The following CPSF3 variants were observed in gnomAD, a reference collection of about 807,000 sequenced individuals.
CPSF3 encodes cleavage and polyadenylation specific factor 3, also known as cleavage and polyadenylation specificity factor subunit 3.
In CPSF3, 57 loss-of-function variants were observed where a neutral mutation model predicts 84.1. The observed-to-expected ratio is 0.68, with a 90% CI of 0.55 to 0.85. CPSF3 has a LOEUF of 0.85. Ranked by LOEUF, CPSF3 falls within the 40% of genes least tolerant of loss-of-function variation. CPSF3 has a pLI of 0.00. For missense variants in CPSF3, 522 were observed against 838.8 expected (o/e 0.62, Z 4.66); for synonymous variants, 275 against 278.1 (o/e 0.99, Z 0.11).
Position 9,448,265 on chromosome 2 carries a change from A to G in CPSF3, c.1310A>G (p.Asp437Gly), listed in dbSNP as rs751650918. ...LKAALIREYE[D>G]NDEVHIEVHN... is the part of the protein sequence containing the mutation. ...GCAGCACTGATTCGAGAATATGAAG[A>G]TAACGATGAAGTTCACATAGAGGTT... The change falls in exon 11 of 18, where the codon GAT (aspartate) becomes GGT (glycine). Residue 437 changes from aspartate (D) to glycine (G), a missense_variant. Around this residue, in one of 2 missense-constraint regions of CPSF3, gnomAD observed 329 missense variants for 607.2 expected, o/e 0.54. Transcript: ENST00000238112. 4.8e-5 allele frequency: 77 copies of G among 1,612,618 alleles called. No individual in the cohort carries two copies. The highest frequency in any genetic ancestry group is 6.5e-5 in the Non-Finnish European group (77 of 1,178,826).
At chr2:9,467,173 C>G (rs1466700084) in intron 15 of CPSF3, among the ~76,000 whole-genome samples, 1 of 151,924 alleles carries the variant, frequency 6.6e-6, no homozygotes. Flanking sequence ...TAAGGGGGGC[C>G]CATTTTCCCA....
chr2:9,453,768 G>A (rs1681414208), intron 12 of CPSF3, among the ~76,000 whole-genome samples: 1 of 152,126 alleles, frequency 6.6e-6, no homozygotes, highest in Admixed American at 6.6e-5. Flanking sequence ...GCACGTGCCT[G>A]TGGTCCCAGC....
chr2:9,464,471 A>G (rs1002698724), intron 15 of CPSF3, among the ~76,000 whole-genome samples: 3 of 152,098 alleles, frequency 2.0e-5, no homozygotes, highest in Non-Finnish European at 4.4e-5. Flanking sequence ...TTAAGTGCTT[A>G]TTTTAGTAAT....
intron 12 of CPSF3, 55 bp from the exon 13 acceptor site, chr2:9,455,604 G>T: frequency 8.4e-7 from 1 of 1,196,412 alleles, no homozygotes; most frequent in Non-Finnish European, 1.2e-6. Flanking sequence ...TTTGCTCCTG[G>T]TATGTGTTTT....
chr2:9,441,862 C>T lies in CPSF3; in HGVS notation c.981C>T (p.Ala327=), dbSNP rs1680967063. 6.2e-7 allele frequency: 1 copy of T among 1,614,002 alleles called. No homozygotes were observed. Among genetic ancestry groups the T allele is most frequent in the African/African-American group, 1.3e-5 (1 of 74,900 alleles). The part of the protein sequence containing the change: ...FDDIGPSVVM[A]SPGMMQSGLS... ...ACATTGGTCCCAGTGTTGTAATGGC[C>T]TCCCCAGGCATGATGCAAAGTGGCT... The change falls in exon 9 of 18, where the codon GCC becomes GCT. Residue 327 remains alanine (A), a synonymous_variant. Coordinates refer to ENST00000238112, the MANE Select transcript of CPSF3 (RefSeq NM_016207.4).
intron 10 of CPSF3, among the ~76,000 whole-genome samples, chr2:9,444,353 C>T (rs1681058373): frequency 6.6e-6 from 1 of 151,578 alleles, no homozygotes; most frequent in African/African-American, 2.4e-5. Flanking sequence ...GTCTTGAACT[C>T]CTGACTTCAT....
At chr2:9,446,567 C>G (rs1298624339) in intron 10 of CPSF3, among the ~76,000 whole-genome samples, 3 of 127,682 alleles carry the variant, frequency 2.3e-5, no homozygotes, top group African/African-American at 6.1e-5. Flanking sequence ...GGCGACGGAG[C>G]GAGACTCGGT....
In CPSF3 at chr2:9,472,953, C is replaced by G; in HGVS notation, c.1991C>G (p.Ser664Cys). 1.2e-6 allele frequency: 2 copies of G among 1,613,936 alleles called. No individual in the cohort carries two copies. The highest frequency in any genetic ancestry group is 1.7e-6 in the Non-Finnish European group (2 of 1,179,928). ...ECEEGSEDDE[S>C]LREMVELAAQ... ...GAAGAGGGAAGTGAAGACGATGAAT[C>G]CCTCCGAGAAATGGTGGAGCTGGCT... Residue 664 changes from serine to cysteine, a missense_variant, in exon 18 of 18, where the codon TCC (serine) becomes TGC (cysteine). This residue lies in a region of CPSF3 where 193 missense variants were observed against 231.6 expected (regional missense o/e 0.83). Coordinates refer to ENST00000238112, the MANE Select transcript of CPSF3 (RefSeq NM_016207.4).
At chr2:9,452,325 C>CAAAAAA (rs58267919) in intron 11 of CPSF3, among the ~76,000 whole-genome samples, 1 of 72,814 alleles carries the variant, frequency 1.4e-5, no homozygotes. Context: ...GACACTGTCT[C>CAAAAAA]AAAAAAAAAA....
chr2:9,430,003 TCTC>T lies in CPSF3; in HGVS notation c.198_200del (p.Leu68del), dbSNP rs889471598. The stretch of plus-strand genomic sequence containing the variant: ...ATTTAATTGACCCAGCTGAGATTGA[TCTC>T]CTATTAATTAGTCAGTAAGTTTTTC... On this transcript the variant is annotated inframe_deletion, in exon 3 of 18. Transcript: ENST00000238112. 7 of 1,570,144 alleles carry T rather than the reference TCTC, an allele frequency of 4.5e-6. No homozygotes were observed. Among genetic ancestry groups the T allele is most frequent in the Non-Finnish European group, 6.0e-6 (7 of 1,160,546 alleles).
chr2:9,462,446 T>G (rs959632937), intron 15 of CPSF3, among the ~76,000 whole-genome samples: 5 of 152,212 alleles, frequency 3.3e-5, no homozygotes, highest in Non-Finnish European at 7.3e-5. Context: ...TGGTGATGTT[T>G]AGTGTCTGAG....
intron 16 of CPSF3, among the ~76,000 whole-genome samples, chr2:9,468,616 G>C (rs3923838): frequency 7.1e-6 from 1 of 141,054 alleles, no homozygotes; most frequent in African/African-American, 2.7e-5. Flanking sequence ...ATTCTACACT[G>C]ACCTTTTTTT....
At chr2:9,436,774 A>AAAAAAAAAAAAAAAATAATAAT (rs139337028) in intron 7 of CPSF3, among the ~76,000 whole-genome samples, 1 of 143,002 alleles carries the variant, frequency 7.0e-6, no homozygotes, top group African/African-American at 2.6e-5. Flanking sequence ...CCATCTCAAA[A>AAAAAAAAAAAAAAAATAATAAT]AATAATAATA....
chr2:9,466,293 G>A (rs1182774814), intron 15 of CPSF3, among the ~76,000 whole-genome samples: 1 of 108,520 alleles, frequency 9.2e-6, no homozygotes, highest in Non-Finnish European at 2.1e-5. Flanking sequence ...TGCGCACACA[G>A]ACGCATGCAC....
chr2:9,466,388 A>ACC, intron 15 of CPSF3, among the ~76,000 whole-genome samples: 1 of 78,158 alleles, frequency 1.3e-5, no homozygotes, highest in Admixed American at 1.2e-4. Flanking sequence ...ACTCGCACAC[A>ACC]CGCGCACACA....
At chr2:9,455,931 CAT>C (rs1177638376) in intron 13 of CPSF3, among the ~76,000 whole-genome samples, 174 bp downstream of exon 13, 1 of 151,676 alleles carries the variant, frequency 6.6e-6, no homozygotes, top group Non-Finnish European at 1.5e-5. Context: ...AATATACACT[CAT>C]ATTCTTGCCT....
chr2:9,430,409 C>G (rs1680545275), intron 3 of CPSF3, among the ~76,000 whole-genome samples: 2 of 152,112 alleles, frequency 1.3e-5, no homozygotes, highest in Admixed American at 1.3e-4. Flanking sequence ...AAAAATGTGA[C>G]AAGACAGTGA....
intron 9 of CPSF3, among the ~76,000 whole-genome samples, chr2:9,442,605 C>T (rs1680991714): frequency 6.6e-6 from 1 of 152,102 alleles, no homozygotes; most frequent in African/African-American, 2.4e-5. Context: ...AATCCCAGTA[C>T]TTTGGGAGGC....
At position 9,423,787 on chromosome 2, in the gene CPSF3, C is replaced by A. The variant is rs1357708129; in HGVS notation, c.14C>A (p.Pro5His). 1 of 1,613,808 alleles carries A rather than the reference C, an allele frequency of 6.2e-7. No individual in the cohort carries two copies. The highest frequency in any genetic ancestry group is 1.7e-5 in the Admixed American group (1 of 59,984). The change falls in exon 1 of 18, where the codon CCT becomes CAT. Residue 5 changes from proline (P) to histidine (H), a missense_variant. Pro to His is a moderately conservative substitution (Grantham distance 77, BLOSUM62 -2). This residue lies in a region of CPSF3 where 329 missense variants were observed against 607.2 expected (regional missense o/e 0.54). Coordinates refer to ENST00000238112, the MANE Select transcript of CPSF3 (RefSeq NM_016207.4). MSAI[P>H]AEESDQLLIR... ...CACACTTTCGGGATGTCTGCGATTCCTGCTGAGGAGAGCGACCAGCTGCTG... is the reference window on the plus strand; with the variant it reads ...CACACTTTCGGGATGTCTGCGATTCATGCTGAGGAGAGCGACCAGCTGCTG...
Sources: allele counts gnomAD v4.1 joint callset (sites outside exome capture counted in the v4.1 genomes callset), GRCh38; gene constraint gnomAD v4.1.1; regional missense constraint gnomAD v4.1.1; transcripts MANE v1.5; gene names NCBI Gene and HGNC (gene_info 2026-07-23, HGNC 2026-07-21).